The following USP9X variants were observed in gnomAD, a reference collection of about 807,000 sequenced individuals.
The protein encoded by USP9X is ubiquitin carboxyl-terminal hydrolase 9X.
In USP9X, 7 loss-of-function variants were observed where a neutral mutation model predicts 190.3. The ratio of observed to expected loss-of-function variants is 0.04; its 90% confidence interval spans 0.02 to 0.07. The LOEUF (loss-of-function observed/expected upper bound fraction) is 0.07. USP9X is among the 10% of genes least tolerant of loss of function. USP9X has a pLI of 1.00. For synonymous variants in USP9X, 645 were observed against 659.5 expected (o/e 0.98, Z 0.34); for missense variants, 1,010 against 1,916.9 (o/e 0.53, Z 8.83).
At chrX:41,207,015 A>G (rs1436045477) in intron 32 of USP9X, among the ~76,000 whole-genome samples, 2 of 99,648 alleles carry the variant, frequency 2.0e-5, no homozygotes, top group African/African-American at 7.6e-5. Context: ...CGAACTCCTG[A>G]CCTCAGGTGA....
chrX:41,125,684 A>ACACT lies in USP9X; in HGVS notation c.96+1961_96+1962insACTC. 1.3e-3 allele frequency among the ~76,000 whole-genome samples: 24 copies of ACACT among 19,030 alleles called. 1 individual carries two copies. Among genetic ancestry groups the ACACT allele is most frequent in the African/African-American group, 1.8e-3 (8 of 4,549 alleles). The allele number at this position is 19,030 out of a possible 115,157, so 16.5% of individuals were successfully genotyped here. ...CACACACACACACACACACACACAC[A>ACACT]CTCTCTCTCTCTCTCTCTCTCTCTC... is the stretch of plus-strand genomic sequence containing the variant. On this transcript the variant is annotated intron_variant, in intron 2 of 44. Transcript: ENST00000378308.
chrX:41,229,360 G>A lies in USP9X; in HGVS notation c.7169G>A (p.Cys2390Tyr). The change falls in exon 42 of 45, where the codon TGT becomes TAT. Residue 2390 changes from cysteine to tyrosine, a missense_variant. This residue lies in a region of USP9X where 20 missense variants were observed against 59.3 expected (regional missense o/e 0.34). Coordinates refer to ENST00000378308, the MANE Select transcript of USP9X (RefSeq NM_001039591.3). ...AAAAGAGCATACCAGTGTATAAAAT[G>A]TATGGTAGCTCTATTTAGTAACTGT... ...YQKRAYQCIK[C>Y]MVALFSNCPV... The A allele has an allele frequency of 8.3e-7, 1 of 1,198,316 alleles. No homozygotes were observed. The highest frequency in any genetic ancestry group is 1.1e-6 in the Non-Finnish European group (1 of 889,615).
At chrX:41,155,248 CATT>C (rs767185655) in intron 14 of USP9X, among the ~76,000 whole-genome samples, 59 of 111,846 alleles carry the variant, frequency 5.3e-4, no homozygotes, top group Middle Eastern at 4.6e-3. Flanking sequence ...CTCCTATAAA[CATT>C]ATTTAGATAA....
intron 32 of USP9X, among the ~76,000 whole-genome samples, chrX:41,206,778 A>G (rs967984291): frequency 1.9e-5 from 2 of 105,482 alleles, no homozygotes; most frequent in Admixed American, 1.0e-4. Context: ...TATATATACA[A>G]TTTTTTTTTT....
At chrX:41,125,679 C>CAA (rs2062236161) in intron 2 of USP9X, among the ~76,000 whole-genome samples, 1 of 62,456 alleles carries the variant, frequency 1.6e-5, no homozygotes, top group African/African-American at 6.0e-5. Flanking sequence ...CACACACACA[C>CAA]ACACACTCTC....
At chrX:41,195,501 G>A (rs928886778) in intron 26 of USP9X, among the ~76,000 whole-genome samples, 16 of 111,430 alleles carry the variant, frequency 1.4e-4, no homozygotes, top group Admixed American at 4.8e-4. Flanking sequence ...TCTGGGGACC[G>A]TGCTTTTGGA....
rs1313600621 is a variant in USP9X, at chrX:41,225,108, A to C, written c.7032A>C (p.Leu2344Phe). 1 of 1,211,711 alleles carries C rather than the reference A, an allele frequency of 8.3e-7. No individual in the cohort carries two copies. Among genetic ancestry groups the C allele is most frequent in the Admixed American group, 2.2e-5 (1 of 46,017 alleles). ...RPYLDLLLQILLIEDSWQTHR... is the reference protein window; with the variant it reads ...RPYLDLLLQIFLIEDSWQTHR... Reference sequence around the variant, plus strand: ...ATTTGGATCTGCTTTTGCAAATCTTACTGATTGAGGACTCCTGGCAAACTC... The same window carrying C: ...ATTTGGATCTGCTTTTGCAAATCTTCCTGATTGAGGACTCCTGGCAAACTC... Residue 2344 changes from leucine to phenylalanine, a missense_variant, in exon 41 of 45, where the codon TTA (leucine) becomes TTC (phenylalanine). Leu to Phe is a conservative substitution (Grantham distance 22). This residue lies in a region of USP9X where 121 missense variants were observed against 281.2 expected (regional missense o/e 0.43). Transcript: ENST00000378308.
At chrX:41,103,192 T>A (rs1364268024) in intron 1 of USP9X, among the ~76,000 whole-genome samples, 2 of 112,752 alleles carry the variant, frequency 1.8e-5, no homozygotes, top group African/African-American at 6.4e-5. Flanking sequence ...TGTCTAATAT[T>A]AAGTCAACAT....
At chrX:41,163,495 T>TA (rs1291429967) in intron 15 of USP9X, among the ~76,000 whole-genome samples, 5 of 111,101 alleles carry the variant, frequency 4.5e-5, no homozygotes, top group Admixed American at 9.6e-5. Context: ...CTCACACCTG[T>TA]AATCCCAACA....
chrX:41,161,524 C>T (rs1293505467), intron 14 of USP9X, among the ~76,000 whole-genome samples: 2 of 104,418 alleles, frequency 1.9e-5, no homozygotes, highest in African/African-American at 3.5e-5. Flanking sequence ...TTAGTAGAGA[C>T]GGGGTTTCAC....
At chrX:41,110,133 T>G (rs981381255) in intron 1 of USP9X, among the ~76,000 whole-genome samples, 4 of 111,238 alleles carry the variant, frequency 3.6e-5, no homozygotes, top group Non-Finnish European at 7.6e-5. Flanking sequence ...GGGCCTCATT[T>G]TGTTGCCCAG....
At chrX:41,100,950 G>A (rs779233065) in intron 1 of USP9X, among the ~76,000 whole-genome samples, 29 of 111,049 alleles carry the variant, frequency 2.6e-4, no homozygotes, top group Non-Finnish European at 5.1e-4. Context: ...CTGTTTTAAA[G>A]ATGATCATCC....
chrX:41,216,662 AAG>A lies in USP9X; in HGVS notation c.6085+15_6085+16del. The stretch of plus-strand genomic sequence containing the variant: ...TTAAACCCTCCTCCCGGTGAGTATC[AAG>A]AGAGTTTAGCTTCTTAGTAATAAAG... On this transcript the variant is annotated intron_variant, in intron 35 of 44. Coordinates refer to ENST00000378308, the MANE Select transcript of USP9X (RefSeq NM_001039591.3). 1.7e-6 allele frequency: 2 copies of A among 1,188,544 alleles called. No homozygotes were observed. The highest frequency in any genetic ancestry group is 2.3e-6 in the Non-Finnish European group (2 of 883,314).
chrX:41,132,626 CT>C (rs1196546213), intron 4 of USP9X, among the ~76,000 whole-genome samples: 29 of 106,152 alleles, frequency 2.7e-4, no homozygotes, highest in Middle Eastern at 4.7e-3. Flanking sequence ...TTCTTTCTTT[CT>C]TTTTTTTTTG....
At chrX:41,125,682 A>ACT (rs1477045514) in intron 2 of USP9X, among the ~76,000 whole-genome samples, 453 of 22,797 alleles carry the variant, frequency 0.02, no homozygotes, top group East Asian at 0.029. Context: ...ACACACACAC[A>ACT]CACTCTCTCT....
intron 1 of USP9X, among the ~76,000 whole-genome samples, chrX:41,101,423 CA>C (rs1223031371): frequency 0.045 from 4,200 of 93,225 alleles, 203 homozygotes; most frequent in African/African-American, 0.15. Flanking sequence ...ACCAAAAATA[CA>C]AAAAAAAAAA....
chrX:41,197,335 C>CG, intron 28 of USP9X, 29 bp from the exon 29 acceptor site: 1 of 335,602 alleles, frequency 3.0e-6, no homozygotes, highest in Non-Finnish European at 4.3e-6. Flanking sequence ...ATTTCTTCCC[C>CG]CCCCCACCCC....
At chrX:41,097,622 A>G (rs2062001363) in intron 1 of USP9X, among the ~76,000 whole-genome samples, 1 of 112,329 alleles carries the variant, frequency 8.9e-6, no homozygotes, top group Non-Finnish European at 1.9e-5. Flanking sequence ...TATTTTTATG[A>G]AAAATAACTT....
intron 31 of USP9X, among the ~76,000 whole-genome samples, chrX:41,203,159 A>G (rs1171839537): frequency 9.0e-6 from 1 of 110,700 alleles, no homozygotes; most frequent in African/African-American, 3.4e-5. Context: ...TACATCTTAC[A>G]CCACTACTTC....
Sources: gnomAD v4.1 joint callset for allele counts (sites outside exome capture counted in the v4.1 genomes callset) on GRCh38, gnomAD v4.1.1 for gene constraint, gnomAD v4.1.1 regional missense constraint, MANE v1.5 for transcripts, NCBI Gene and HGNC (gene_info 2026-07-23, HGNC 2026-07-21) for gene names.